Variants in DIP2C observed in about 807,000 individuals in gnomAD.
The protein encoded by DIP2C is DIP2 acetate--CoA ligase C (putative).
In DIP2C, 33 loss-of-function variants were observed where a neutral mutation model predicts 192.4. The ratio of observed to expected loss-of-function variants is 0.17; its 90% CI spans 0.13 to 0.23. DIP2C has a LOEUF of 0.23. Ranked by LOEUF, DIP2C falls within the 10% of genes least tolerant of loss-of-function variation. The pLI is 1.00. For missense variants in DIP2C, 1,537 were observed against 2,110.1 expected, an observed-to-expected ratio of 0.73 and a Z score of 5.32; for synonymous variants, 979 against 864.1, an observed-to-expected ratio of 1.13 and a Z score of -2.33.
intron 17 of DIP2C, among the ~76,000 whole-genome samples, chr10:377,754 G>C (rs376795924): frequency 6.6e-6 from 1 of 151,824 alleles, no homozygotes; most frequent in Non-Finnish European, 1.5e-5. Context: ...CGTCTTCTTT[G>C]ATTTTTCTCC....
At chr10:512,222 T>G (rs1347231210) in intron 1 of DIP2C, among the ~76,000 whole-genome samples, 1 of 152,192 alleles carries the variant, frequency 6.6e-6, no homozygotes, top group African/African-American at 2.4e-5. Flanking sequence ...AAATTAAATT[T>G]GCAAGGTTGA....
intron 1 of DIP2C, chr10:667,340 C>T (rs1392357957): frequency 3.9e-5 from 6 of 152,376 alleles, no homozygotes; most frequent in Admixed American, 2.6e-4. Context: ...CTGAGGCCTC[C>T]TGGGGAGGGG....
intron 1 of DIP2C, among the ~76,000 whole-genome samples, chr10:489,641 T>C (rs1188381788): frequency 2.8e-5 from 4 of 142,350 alleles, no homozygotes; most frequent in South Asian, 2.4e-4. Context: ...CATTTCACAC[T>C]AGGGACACGG....
intron 1 of DIP2C, among the ~76,000 whole-genome samples, chr10:593,167 C>T (rs1244786326): frequency 2.6e-5 from 4 of 152,096 alleles, no homozygotes; most frequent in Non-Finnish European, 5.9e-5. Context: ...CGCCTTCCTG[C>T]AGGACCAACC....
chr10:386,094 C>T (rs1028643509), intron 14 of DIP2C, among the ~76,000 whole-genome samples: 7 of 152,152 alleles, frequency 4.6e-5, no homozygotes, highest in Admixed American at 1.3e-4. Context: ...GACGAGGCCT[C>T]GAAAGCAGGG....
chr10:674,785 T>G (rs1426132997), intron 1 of DIP2C, among the ~76,000 whole-genome samples: 134 of 91,954 alleles, frequency 1.5e-3, no homozygotes, highest in African/African-American at 7.9e-3. Context: ...TATATATATA[T>G]ATATAGAGAG....
chr10:612,256 C>T (rs751757970), intron 1 of DIP2C, among the ~76,000 whole-genome samples: 17 of 151,680 alleles, frequency 1.1e-4, no homozygotes, highest in East Asian at 5.8e-4. Flanking sequence ...CACACCACTG[C>T]GCTCCAGCCT....
At chr10:411,761 C>G (rs948968767) in intron 8 of DIP2C, among the ~76,000 whole-genome samples, 1 of 152,196 alleles carries the variant, frequency 6.6e-6, no homozygotes, top group Non-Finnish European at 1.5e-5. Flanking sequence ...AATTCTCATT[C>G]GACGAGCTTG....
intron 1 of DIP2C, among the ~76,000 whole-genome samples, chr10:507,400 G>A (rs1400167936): frequency 6.6e-6 from 1 of 151,360 alleles, no homozygotes; most frequent in Non-Finnish European, 1.5e-5. Context: ...GTCACCAGCT[G>A]TGCCCAATCA....
chr10:606,193 G>A (rs956082403), intron 1 of DIP2C, among the ~76,000 whole-genome samples: 6 of 152,214 alleles, frequency 3.9e-5, no homozygotes, highest in Admixed American at 3.3e-4. Context: ...CCCTGGGCTG[G>A]GGTGCCAGCC....
chr10:619,554 G>GCCCGCC (rs1853731060), intron 1 of DIP2C, among the ~76,000 whole-genome samples: 1 of 10,562 alleles, frequency 9.5e-5, no homozygotes, highest in African/African-American at 3.4e-4. Flanking sequence ...CTCCCACCCA[G>GCCCGCC]CTCCTCACGC....
At chr10:310,762 C>T (rs1283526444) in intron 31 of DIP2C, among the ~76,000 whole-genome samples, 1 of 152,186 alleles carries the variant, frequency 6.6e-6, no homozygotes, top group East Asian at 1.9e-4. Flanking sequence ...TGAAAAATTA[C>T]ACCATGCTGA....
chr10:563,213 C>T (rs938499034), intron 1 of DIP2C, among the ~76,000 whole-genome samples: 1 of 152,240 alleles, frequency 6.6e-6, no homozygotes, highest in Admixed American at 6.5e-5. Flanking sequence ...TGCAGGCGGG[C>T]TTGGTGCATC....
At chr10:454,209 A>T (rs907573525) in intron 3 of DIP2C, among the ~76,000 whole-genome samples, 7 of 152,188 alleles carry the variant, frequency 4.6e-5, no homozygotes, top group Admixed American at 2.6e-4. Flanking sequence ...CCCATCTATT[A>T]AGAGAAGGGC....
intron 1 of DIP2C, among the ~76,000 whole-genome samples, chr10:600,415 G>A (rs561154805): frequency 9.4e-4 from 132 of 140,294 alleles, no homozygotes; most frequent in Middle Eastern, 3.6e-3. Flanking sequence ...GCAGCAAGTG[G>A]GACGGCCACG....
chr10:337,449 C>G (rs111170431), intron 29 of DIP2C, among the ~76,000 whole-genome samples: 1 of 95,632 alleles, frequency 1.0e-5, no homozygotes, highest in East Asian at 3.6e-4. Flanking sequence ...ATTGTGTGTG[C>G]GTGTGTGTTG....
intron 1 of DIP2C, among the ~76,000 whole-genome samples, chr10:672,688 C>CT (rs1830709106): frequency 6.6e-6 from 1 of 152,200 alleles, no homozygotes; most frequent in Non-Finnish European, 1.5e-5. Context: ...GTCACTTTTC[C>CT]TGTAGAAATG....
At chr10:618,173 C>T (rs758459359) in intron 1 of DIP2C, among the ~76,000 whole-genome samples, 3 of 152,216 alleles carry the variant, frequency 2.0e-5, no homozygotes, top group Non-Finnish European at 4.4e-5. Flanking sequence ...TACACATCTG[C>T]CAAGTTGTAA....
At position 652,383 on chromosome 10, in the gene DIP2C, T is replaced by TGGCGGGGGGGC. The variant is rs1855984720; in HGVS notation, c.85+37100_85+37110dup. 1 of 175,580 alleles carries TGGCGGGGGGGC rather than the reference T, an allele frequency of 5.7e-6. No homozygotes were observed. The highest frequency in any genetic ancestry group is 2.4e-5 in the African/African-American group (1 of 41,512). 10.9% of individuals were successfully genotyped at this position (175,580 alleles called of 1,614,324 possible). ...ACTGAGTTCCAGTCCCGGGGTGGGG[T>TGGCGGGGGGGC]GGCGGGGGGGCGCACTGTGCACCCT... is the stretch of plus-strand genomic sequence containing the variant. On this transcript the variant is annotated intron_variant, in intron 1 of 36. Coordinates refer to ENST00000280886, the MANE Select transcript of DIP2C (RefSeq NM_014974.3). This position sits in a 1 kb window ranked among gnomAD's most constrained non-coding sequence, Gnocchi z 4.5.
Sources: gnomAD v4.1 joint callset for allele counts (sites outside exome capture counted in the v4.1 genomes callset) on GRCh38, gnomAD v4.1.1 for gene constraint, Gnocchi (gnomAD v3.1) non-coding constraint, MANE v1.5 for transcripts, NCBI Gene and HGNC (gene_info 2026-07-23, HGNC 2026-07-21) for gene names.